The following DNHD1 variants were observed in gnomAD, a reference collection of about 807,000 sequenced individuals.
DNHD1 encodes the protein dynein heavy chain domain-containing protein 1.
A neutral mutation model predicts 458.1 loss-of-function variants in DNHD1; 383 were observed. That is an observed-to-expected ratio of 0.84 (90% confidence interval 0.77 to 0.91). The LOEUF (loss-of-function observed/expected upper bound fraction) is 0.91, where lower values mean the gene tolerates loss of function less well. Ranked by LOEUF, DNHD1 falls within the 40% of genes least tolerant of loss-of-function variation. The pLI is 0.00. For synonymous variants in DNHD1, 2,203 were observed against 2,376.9 expected (o/e 0.93, Z 2.13); for missense variants, 5,336 against 5,866.1 (o/e 0.91, Z 2.95).
Position 6,570,377 on chromosome 11 carries a change from C to A in DNHD1, c.13086C>A (p.Ala4362=). The part of the protein sequence containing the change: ...VQPHTPQSLL[A]TLMPLPELRE... Reference sequence around the variant, plus strand: ...CACACACACCTCAGTCTTTGCTGGCCACGCTCATGCCCCTCCCAGGTAAGC... The same window carrying A: ...CACACACACCTCAGTCTTTGCTGGCAACGCTCATGCCCCTCCCAGGTAAGC... The change falls in exon 41 of 43, where the codon GCC becomes GCA. Residue 4362 remains alanine (A), a synonymous_variant. Coordinates refer to ENST00000254579, the MANE Select transcript of DNHD1 (RefSeq NM_144666.3). 6.2e-7 allele frequency: 1 copy of A among 1,609,982 alleles called. No individual in the cohort carries two copies. Among genetic ancestry groups the A allele is most frequent in the South Asian group, 1.1e-5 (1 of 90,324 alleles).
In DNHD1 at chr11:6,528,977, A is replaced by G. The variant is rs1852772176; in HGVS notation, c.2203A>G (p.Met735Val). The change falls in exon 12 of 43, where the codon ATG (methionine) becomes GTG (valine). Residue 735 changes from methionine (M) to valine (V), a missense_variant. By Grantham distance (21) the Met-to-Val change is conservative (BLOSUM62 1). This residue lies in a region of DNHD1 where 3,932 missense variants were observed against 4,365.6 expected (regional missense o/e 0.90). Transcript: ENST00000254579. ...CTGGGGGCCTCAGAAGCTGGAAGAC[A>G]TGAGAGGTGGTCCCATCAAGAACTA... ...QSWGPQKLED[M>V]RGGPIKNYVT... 6.4e-7 allele frequency: 1 copy of G among 1,551,622 alleles called. No homozygotes were observed.
In DNHD1 at chr11:6,557,214, C is replaced by T. The variant is rs1853482971; in HGVS notation, c.7919C>T (p.Thr2640Ile). Residue 2640 changes from threonine (T) to isoleucine (I), a missense_variant, in exon 25 of 43, where the codon ACA (threonine) becomes ATA (isoleucine). Around this residue, in one of 4 missense-constraint regions of DNHD1, gnomAD observed 3,932 missense variants for 4,365.6 expected, o/e 0.90. Transcript: ENST00000254579. ...RGTCLTVMMA[T>I]RNVVRLWLHE... ...ACTTGTCTGACCGTTATGATGGCCA[C>T]ACGCAATGTGGTGCGTCTTTGGTTG... is the stretch of plus-strand genomic sequence containing the variant. 6.4e-7 allele frequency: 1 copy of T among 1,551,578 alleles called. No homozygotes were observed. The highest frequency in any genetic ancestry group is 1.4e-5 in the African/African-American group (1 of 73,078).
rs777232015 is a variant in DNHD1 at position 6,557,840 on chromosome 11, T to C, written c.8545T>C (p.Leu2849=). ...ERQWEKLEEQ[L]ATSAAQLKLS... ...ACAGTGGGAGAAGCTAGAGGAGCAG[T>C]TGGCCACCTCAGCTGCTCAACTGAA... Residue 2849 remains leucine, a synonymous_variant, in exon 25 of 43, where the codon TTG becomes CTG. Transcript: ENST00000254579. 3.2e-6 allele frequency: 5 copies of C among 1,551,130 alleles called. No homozygotes were observed. Among genetic ancestry groups the C allele is most frequent in the Non-Finnish European group, 4.4e-6 (5 of 1,146,974 alleles).
Position 6,497,983 on chromosome 11 carries a change from G to A in DNHD1, c.-233G>A. The A allele has an allele frequency of 1.7e-6, 1 of 588,328 alleles. No individual in the cohort carries two copies. Among genetic ancestry groups the A allele is most frequent in the Admixed American group, 3.1e-5 (1 of 32,518 alleles). 36.4% of individuals were successfully genotyped at this position (588,328 alleles called of 1,614,324 possible). On this transcript the variant is annotated 5_prime_UTR_variant, in exon 3 of 43. Transcript: ENST00000254579. The stretch of plus-strand genomic sequence containing the variant: ...CTGAGGGTCTCAGGAAAGGCTCTCT[G>A]CTGGTCTGGCTCTGCTCTGTAGCTC...
intron 10 of DNHD1, 30 bp from the exon 11 acceptor site, chr11:6,528,492 C>T (rs1186506396): frequency 6.5e-7 from 1 of 1,534,046 alleles, no homozygotes; most frequent in East Asian, 2.5e-5. Flanking sequence ...GGAGGGTACT[C>T]ACGGACAATT....
In DNHD1 at chr11:6,564,412, C is replaced by T. The variant is rs1179352576; in HGVS notation, c.10364C>T (p.Pro3455Leu). ...SAAIIYLGPFPPLRRQELLDE... is the reference protein window; with the variant it reads ...SAAIIYLGPFLPLRRQELLDE... Reference sequence around the variant, plus strand: ...GCCATCATCTACCTGGGTCCCTTCCCACCATTGCGGCGCCAAGAGCTACTG... The same window carrying T: ...GCCATCATCTACCTGGGTCCCTTCCTACCATTGCGGCGCCAAGAGCTACTG... The change falls in exon 32 of 43, where the codon CCA becomes CTA. Residue 3455 changes from proline to leucine, a missense_variant. Physicochemically the swap from Pro to Leu is moderately conservative, Grantham distance 98. Around this residue, in one of 4 missense-constraint regions of DNHD1, gnomAD observed 3,932 missense variants for 4,365.6 expected, o/e 0.90. Transcript: ENST00000254579. The T allele has an allele frequency of 6.4e-7, 1 of 1,551,694 alleles. No homozygotes were observed. Among genetic ancestry groups the T allele is most frequent in the African/African-American group, 1.4e-5 (1 of 73,160 alleles).
In DNHD1 at chr11:6,554,874, T is replaced by G. The variant is rs530220990; in HGVS notation, c.7388-1809T>G. On this transcript the variant is annotated intron_variant, in intron 24 of 42. Transcript: ENST00000254579. ...TTACAAAATTAAATATTACTTAACATATGACCCAGCAATTCCACTCTTAGG... is the reference window on the plus strand; with the variant it reads ...TTACAAAATTAAATATTACTTAACAGATGACCCAGCAATTCCACTCTTAGG... Among the ~76,000 whole-genome samples the G allele has an allele frequency of 2.6e-5, 4 of 152,336 alleles. No individual in the cohort carries two copies. The East Asian group carries it at 7.7e-4, about 29-fold the overall frequency.
intron 7 of DNHD1, among the ~76,000 whole-genome samples, chr11:6,512,497 C>T (rs1044644956): frequency 6.6e-6 from 1 of 152,028 alleles, no homozygotes; most frequent in Admixed American, 6.6e-5. Flanking sequence ...GCTGGGATTA[C>T]AGGTGTGAAC....
chr11:6,571,909 C>T lies in DNHD1; in HGVS notation c.14185C>T (p.Leu4729=). The change falls in exon 43 of 43, where the codon CTG becomes TTG. Residue 4729 remains leucine (L), a synonymous_variant. Transcript: ENST00000254579. The surrounding 1 kb of genome is among the most constrained non-coding windows in gnomAD (Gnocchi z 5.0). ...KLQSRNIVMH[L]PLPTKLTPNT... ...GCAGAGCAGGAACATCGTGATGCAT[C>T]TGCCTTTACCCACCAAGCTCACCCC... 1 of 1,614,044 alleles carries T rather than the reference C, an allele frequency of 6.2e-7. No homozygotes were observed. The highest frequency in any genetic ancestry group is 8.5e-7 in the Non-Finnish European group (1 of 1,179,906).
chr11:6,511,495 T>A, intron 7 of DNHD1, 66 bp downstream of exon 7: 3 of 1,576,328 alleles, frequency 1.9e-6, no homozygotes, highest in Admixed American at 1.8e-5. Flanking sequence ...TTCAGCCTCC[T>A]CTTAGTTAAG....
At chr11:6,499,420 A>G (rs375443790) in intron 3 of DNHD1, among the ~76,000 whole-genome samples, 3 of 152,124 alleles carry the variant, frequency 2.0e-5, no homozygotes, top group Admixed American at 6.5e-5. Flanking sequence ...CCACATGTCT[A>G]TGTGACTTAA....
intron 28 of DNHD1, among the ~76,000 whole-genome samples, chr11:6,561,347 G>A (rs1048785609): frequency 6.6e-6 from 1 of 152,150 alleles, no homozygotes; most frequent in Non-Finnish European, 1.5e-5. Flanking sequence ...AGGATCACCT[G>A]AGCCTGGGAG....
chr11:6,553,952 A>C (rs1031476025), intron 24 of DNHD1, among the ~76,000 whole-genome samples: 1 of 130,356 alleles, frequency 7.7e-6, no homozygotes, highest in African/African-American at 2.8e-5. Context: ...GCCAAGCTAA[A>C]TCTTAACAGA....
At position 6,566,508 on chromosome 11, in the gene DNHD1, G is replaced by C; in HGVS notation, c.11207-79G>C. On this transcript the variant is annotated intron_variant, in intron 34 of 42. Transcript: ENST00000254579. ...CCAGAGCAGGCACAGGTCTATAGCA[G>C]GGAGCCATACTCCCTGTCTACTCTA... The C allele has an allele frequency of 1.9e-6, 3 of 1,566,426 alleles. No individual in the cohort carries two copies. In the South Asian group the frequency reaches 3.5e-5, roughly 18 times the overall value.
In DNHD1 at chr11:6,547,007, G is replaced by C; in HGVS notation, c.6068G>C (p.Cys2023Ser). Residue 2023 changes from cysteine to serine, a missense_variant, in exon 21 of 43, where the codon TGC (cysteine) becomes TCC (serine). By Grantham distance (112) the Cys-to-Ser change is moderately radical. Around this residue, in one of 4 missense-constraint regions of DNHD1, gnomAD observed 3,932 missense variants for 4,365.6 expected, o/e 0.90. Transcript: ENST00000254579. ...AAMEDTSTQGCQPVEITHLYP... is the reference protein window; with the variant it reads ...AAMEDTSTQGSQPVEITHLYP... ...ATGGAGGACACCTCAACCCAAGGCT[G>C]CCAGCCTGTGGAAATTACCCACCTG... 1 of 1,551,564 alleles carries C rather than the reference G, an allele frequency of 6.4e-7. No individual in the cohort carries two copies.
At chr11:6,552,058 C>A (rs935795393) in intron 24 of DNHD1, among the ~76,000 whole-genome samples, 2 of 148,210 alleles carry the variant, frequency 1.3e-5, no homozygotes, top group Non-Finnish European at 3.0e-5. Context: ...GCCTGGGCAG[C>A]ATAGTGGGAC....
chr11:6,566,385 T>C lies in DNHD1; in HGVS notation c.11198T>C (p.Met3733Thr), dbSNP rs370275421. The change falls in exon 34 of 43, where the codon ATG (methionine) becomes ACG (threonine). Residue 3733 changes from methionine (M) to threonine (T), a missense_variant. Around this residue, in one of 4 missense-constraint regions of DNHD1, gnomAD observed 695 missense variants for 804.2 expected, o/e 0.86. Coordinates refer to ENST00000254579, the MANE Select transcript of DNHD1 (RefSeq NM_144666.3). ...AGCACCACCCTCTCCCTCTGTGCCA[T>C]GGAAAAAGGTGAGGCCCAGAGGGCA... ...YLSTTLSLCA[M>T]EKVLGCELLK... 13 of 1,558,730 alleles carry C rather than the reference T, an allele frequency of 8.3e-6. No individual in the cohort carries two copies. In the African/African-American group the frequency reaches 1.5e-4, roughly 18 times the overall value.
In DNHD1 at chr11:6,502,853, G is replaced by C. The variant is rs1407188448; in HGVS notation, c.847G>C (p.Ala283Pro). The C allele has an allele frequency of 6.2e-7, 1 of 1,613,004 alleles. No individual in the cohort carries two copies. Among genetic ancestry groups the C allele is most frequent in the East Asian group, 2.2e-5 (1 of 44,798 alleles). Residue 283 changes from alanine (A) to proline (P), a missense_variant, in exon 4 of 43, where the codon GCT becomes CCT. By Grantham distance (27) the Ala-to-Pro change is conservative. This residue lies in a region of DNHD1 where 3,932 missense variants were observed against 4,365.6 expected (regional missense o/e 0.90). Coordinates refer to ENST00000254579, the MANE Select transcript of DNHD1 (RefSeq NM_144666.3). ...TSFLDSQVMT[A>P]LKMERYLKKI... Reference sequence around the variant, plus strand: ...CTTCCTGGATAGCCAGGTGATGACTGCTCTGAAGATGGAGAGATACCTGAA... The same window carrying C: ...CTTCCTGGATAGCCAGGTGATGACTCCTCTGAAGATGGAGAGATACCTGAA...
intron 24 of DNHD1, among the ~76,000 whole-genome samples, chr11:6,556,429 T>C (rs897734647): frequency 1.3e-5 from 2 of 152,262 alleles, no homozygotes; most frequent in Admixed American, 6.5e-5. Flanking sequence ...TGATTATTCA[T>C]TATTATCATT....
Sources: gnomAD v4.1 joint callset for allele counts (sites outside exome capture counted in the v4.1 genomes callset) on GRCh38, gnomAD v4.1.1 for gene constraint, gnomAD v4.1.1 regional missense constraint, Gnocchi (gnomAD v3.1) non-coding constraint, MANE v1.5 for transcripts, NCBI Gene and HGNC (gene_info 2026-07-23, HGNC 2026-07-21) for gene names.